Variants in HACD2 observed in about 807,000 individuals in gnomAD.
HACD2 encodes the protein very-long-chain (3R)-3-hydroxyacyl-CoA dehydratase 2.
HACD2 carries 15 observed loss-of-function variants against 31.0 expected under a neutral mutation model. That is an observed-to-expected ratio of 0.48 (90% CI 0.32 to 0.75). HACD2 has a LOEUF of 0.75. Among genes scored for constraint, HACD2 ranks in the 30% least tolerant of loss-of-function variants. The probability of loss-of-function intolerance (pLI) is 0.03; values close to 1 mark genes in which losing one functional copy is unlikely to be tolerated. For synonymous variants in HACD2, 115 were observed against 122.2 expected (o/e 0.94, Z 0.39); for missense variants, 283 against 313.0 (o/e 0.90, Z 0.72).
chr3:123,523,437 T>C (rs2107701871), intron 4 of HACD2, among the ~76,000 whole-genome samples: 2 of 152,288 alleles, frequency 1.3e-5, no homozygotes, highest in Middle Eastern at 6.8e-3. Context: ...TCCTTCTCAC[T>C]TCATCTTCAC....
At chr3:123,582,158 T>G (rs370283753) in intron 2 of HACD2, 54 bp downstream of exon 2, 1 of 1,235,164 alleles carries the variant, frequency 8.1e-7, no homozygotes, top group Non-Finnish European at 1.1e-6. Flanking sequence ...TTTAGTTGCA[T>G]GTTTTTCTTC....
At chr3:123,516,956 A>G (rs1349864029) in intron 4 of HACD2, among the ~76,000 whole-genome samples, 1 of 152,240 alleles carries the variant, frequency 6.6e-6, no homozygotes, top group African/African-American at 2.4e-5. Flanking sequence ...TCCTGGCTGC[A>G]TGTCCTGAGG....
intron 4 of HACD2, among the ~76,000 whole-genome samples, chr3:123,514,308 G>A (rs1298546975): frequency 7.2e-5 from 11 of 151,952 alleles, no homozygotes; most frequent in Admixed American, 2.6e-4. Flanking sequence ...AGTAGGAAAC[G>A]AAACAAATGA....
rs199800712 is a variant in HACD2, at chr3:123,539,564, G to T, written c.293-11090C>A. On this transcript the variant is annotated intron_variant, in intron 3 of 6. Transcript: ENST00000383657. ...CAGCCTGGGCAACAGAGTGAGACTC[G>T]GTCTCAAAGAAAAACAAAATTAAAA... Among the ~76,000 whole-genome samples the T allele has an allele frequency of 1.6e-4, 24 of 151,624 alleles. No homozygotes were observed. In the East Asian group the frequency reaches 4.7e-3, roughly 30 times the overall value.
intron 3 of HACD2, chr3:123,543,838 T>C (rs2056522813): frequency 5.4e-6 from 1 of 186,298 alleles, no homozygotes; most frequent in African/African-American, 2.4e-5. Flanking sequence ...GTTGCTATAT[T>C]TATAATTTAT....
chr3:123,512,899 T>C (rs2107691175), intron 4 of HACD2, among the ~76,000 whole-genome samples: 1 of 152,260 alleles, frequency 6.6e-6, no homozygotes, highest in African/African-American at 2.4e-5. Context: ...CTAGAAGCAA[T>C]GACATCTCAG....
intron 3 of HACD2, among the ~76,000 whole-genome samples, chr3:123,554,303 T>C (rs2056650533): frequency 6.6e-6 from 1 of 151,668 alleles, no homozygotes; most frequent in African/African-American, 2.4e-5. Context: ...AAAAATTAAA[T>C]AAGAAAACAG....
intron 2 of HACD2, among the ~76,000 whole-genome samples, chr3:123,570,264 T>C (rs2697521): frequency 0.036 from 5,553 of 152,264 alleles, 131 homozygotes; most frequent in Middle Eastern, 0.088. Flanking sequence ...AATGTCCCAA[T>C]TGATACACAA....
intron 2 of HACD2, among the ~76,000 whole-genome samples, chr3:123,574,824 T>G (rs1256433330): frequency 6.6e-6 from 1 of 152,190 alleles, no homozygotes; most frequent in Non-Finnish European, 1.5e-5. Context: ...CCTTTTTCAG[T>G]ATCTGCAATT....
intron 4 of HACD2, among the ~76,000 whole-genome samples, chr3:123,511,024 C>T (rs187823851): frequency 1.2e-3 from 179 of 150,760 alleles, no homozygotes; most frequent in African/African-American, 4.3e-3. Context: ...TTGATTTGCA[C>T]GTCCCTAATG....
chr3:123,515,191 C>T (rs1576740918), intron 4 of HACD2, among the ~76,000 whole-genome samples: 2 of 152,204 alleles, frequency 1.3e-5, no homozygotes, highest in East Asian at 3.9e-4. Context: ...CTACTCAGCC[C>T]TCAACTGGGC....
intron 2 of HACD2, among the ~76,000 whole-genome samples, chr3:123,576,493 T>C (rs1226756325): frequency 6.6e-6 from 1 of 152,052 alleles, no homozygotes; most frequent in African/African-American, 2.4e-5. Context: ...CTGGGATTTG[T>C]TGTCATTCCT....
intron 4 of HACD2, among the ~76,000 whole-genome samples, chr3:123,524,914 A>G (rs1286943460): frequency 6.6e-6 from 1 of 152,218 alleles, no homozygotes; most frequent in Non-Finnish European, 1.5e-5. Context: ...TGTAGCTTCC[A>G]AACTCTAAAT....
chr3:123,548,393 C>T (rs911808999), intron 3 of HACD2, among the ~76,000 whole-genome samples: 23 of 152,222 alleles, frequency 1.5e-4, no homozygotes, highest in Non-Finnish European at 3.1e-4. Flanking sequence ...CCAGTCCAGT[C>T]TGCAGATGAC....
intron 3 of HACD2, among the ~76,000 whole-genome samples, chr3:123,564,983 G>A (rs905416214): frequency 6.6e-6 from 1 of 152,112 alleles, no homozygotes; most frequent in Admixed American, 6.5e-5. Context: ...AGCATGTGAT[G>A]TGCACACCAG....
rs1043934396 is a variant in HACD2 at position 123,499,033 on chromosome 3, C to T, written c.682+1482G>A. Among the ~76,000 whole-genome samples the T allele has an allele frequency of 1.6e-4, 24 of 152,144 alleles. 1 individual carries two copies. Among genetic ancestry groups the T allele is most frequent in the Admixed American group, 1.3e-3 (20 of 15,284 alleles). On this transcript the variant is annotated intron_variant, in intron 6 of 6. Coordinates refer to ENST00000383657, the MANE Select transcript of HACD2 (RefSeq NM_198402.5). ...TCTTGCAGGAACTCTCAGGTAAGAA[C>T]GCCTAGATTTTTGTCAGTGTGGAAG...
chr3:123,535,136 T>C (rs1302023836), intron 3 of HACD2, among the ~76,000 whole-genome samples: 2 of 152,174 alleles, frequency 1.3e-5, no homozygotes, highest in Non-Finnish European at 2.9e-5. Flanking sequence ...ACTCAATGAT[T>C]CATCCAGAGC....
At chr3:123,497,052 G>T (rs1407527724) in intron 6 of HACD2, among the ~76,000 whole-genome samples, 4 of 152,220 alleles carry the variant, frequency 2.6e-5, no homozygotes, top group Admixed American at 2.6e-4. Flanking sequence ...AATGTGGATG[G>T]GAGGCCAAGG....
intron 1 of HACD2, among the ~76,000 whole-genome samples, chr3:123,584,091 C>G (rs1408345329): frequency 6.6e-6 from 1 of 152,178 alleles, no homozygotes; most frequent in African/African-American, 2.4e-5. Flanking sequence ...ACCTTCATCA[C>G]CCAGACCAAC....
Sources: gnomAD v4.1 joint callset for allele counts (sites outside exome capture counted in the v4.1 genomes callset) on GRCh38, gnomAD v4.1.1 for gene constraint, MANE v1.5 for transcripts, NCBI Gene and HGNC (gene_info 2026-07-23, HGNC 2026-07-21) for gene names.